Variants in VPS13B observed in about 807,000 individuals in gnomAD.
VPS13B encodes vacuolar protein sorting 13 homolog B, also known as intermembrane lipid transfer protein VPS13B.
VPS13B carries 285 observed loss-of-function variants against 426.4 expected under a neutral mutation model. The observed-to-expected ratio is 0.67, with a 90% CI of 0.61 to 0.74. The LOEUF is 0.74. VPS13B is among the 30% of genes least tolerant of loss of function. VPS13B has a pLI of 0.00. For missense variants in VPS13B, 4,537 were observed against 4,782.6 expected, an observed-to-expected ratio of 0.95 and a Z score of 1.51; for synonymous variants, 1,676 against 1,676.4, an observed-to-expected ratio of 1.00 and a Z score of 0.01.
rs142518839 is a variant in VPS13B, at chr8:99,312,515, G to C, written c.2824+37261G>C. 7.9e-4 allele frequency among the ~76,000 whole-genome samples: 120 copies of C among 152,336 alleles called. No individual in the cohort carries two copies. In the East Asian group the frequency reaches 0.022, roughly 27 times the overall value. ...ATTGGCCCCCACTCTCTTCTGGCTT[G>C]TAGAATTTCTGCCAAGAGATCAGCT... is the stretch of plus-strand genomic sequence containing the variant. On this transcript the variant is annotated intron_variant, in intron 19 of 61. Coordinates refer to ENST00000357162, the MANE Select transcript of VPS13B (RefSeq NM_152564.5).
intron 23 of VPS13B, among the ~76,000 whole-genome samples, chr8:99,447,856 T>C (rs1252912296): frequency 6.6e-6 from 1 of 152,014 alleles, no homozygotes; most frequent in African/African-American, 2.4e-5. Context: ...TTAAAGATGA[T>C]GTGACACTAT....
intron 40 of VPS13B, among the ~76,000 whole-genome samples, chr8:99,772,680 A>G (rs1811566837): frequency 6.6e-6 from 1 of 152,126 alleles, no homozygotes; most frequent in Admixed American, 6.5e-5. Context: ...TTTTCAGAAA[A>G]CCTTTTCCCC....
chr8:99,828,393 CGTTTTTTTTTTTTT>C (rs1814828468), intron 51 of VPS13B, among the ~76,000 whole-genome samples: 1 of 50,084 alleles, frequency 2.0e-5, no homozygotes, highest in Non-Finnish European at 3.8e-5. Context: ...TTACAACCAC[CGTTTTTTTTTTTTT>C]TTTTTTTTTT....
intron 39 of VPS13B, among the ~76,000 whole-genome samples, chr8:99,765,043 C>T (rs1458782550): frequency 6.6e-6 from 1 of 151,976 alleles, no homozygotes; most frequent in Non-Finnish European, 1.5e-5. Context: ...GTCAGGAGTT[C>T]GAGACCAGCC....
chr8:99,540,162 CT>C (rs1260350522), intron 30 of VPS13B, among the ~76,000 whole-genome samples: 1 of 140,932 alleles, frequency 7.1e-6, no homozygotes, highest in African/African-American at 2.7e-5. Context: ...TCACTGCAAA[CT>C]CCGCCTCCTG....
chr8:99,837,717 G>A (rs1276848837), intron 54 of VPS13B, among the ~76,000 whole-genome samples: 2 of 152,074 alleles, frequency 1.3e-5, no homozygotes, highest in Non-Finnish European at 2.9e-5. Context: ...AGGAAGATTT[G>A]TTTCAGACCC....
At position 99,699,527 on chromosome 8, in the gene VPS13B, G is replaced by A; in HGVS notation, c.6049G>A (p.Asp2017Asn). Reference protein sequence around the residue: ...QIKDFLNGPADVNLDISKPLK... With the variant: ...QIKDFLNGPANVNLDISKPLK... ...TTTTCTCTTTTTTACTTCTATAGCG[G>A]ATGTCAATTTGGATATATCAAAGCC... The change falls in exon 36 of 62, where the codon GAT (aspartate) becomes AAT (asparagine). Residue 2017 changes from aspartate to asparagine, a missense_variant and splice_region_variant. Asp to Asn is a conservative substitution (Grantham distance 23). This residue lies in a region of VPS13B where 4,311 missense variants were observed against 4,474.3 expected (regional missense o/e 0.96). Transcript: ENST00000357162. 6.2e-7 allele frequency: 1 copy of A among 1,613,384 alleles called. No homozygotes were observed. The highest frequency in any genetic ancestry group is 8.5e-7 in the Non-Finnish European group (1 of 1,179,966).
chr8:99,248,289 T>A (rs1817325269), intron 17 of VPS13B, among the ~76,000 whole-genome samples: 1 of 152,170 alleles, frequency 6.6e-6, no homozygotes, highest in South Asian at 2.1e-4. Flanking sequence ...TTGTTTTTCT[T>A]TGTTAATGAT....
intron 14 of VPS13B, among the ~76,000 whole-genome samples, chr8:99,151,488 T>G (rs76953904): frequency 0.049 from 7,501 of 152,200 alleles, 276 homozygotes; most frequent in Middle Eastern, 0.071. Flanking sequence ...ATTGGTCCAT[T>G]TCATCTAGGT....
At chr8:99,434,120 A>T (rs1435020022) in intron 22 of VPS13B, among the ~76,000 whole-genome samples, 1 of 152,148 alleles carries the variant, frequency 6.6e-6, no homozygotes, top group Non-Finnish European at 1.5e-5. Flanking sequence ...AGTTAAATTT[A>T]ACATTAAAAA....
intron 33 of VPS13B, among the ~76,000 whole-genome samples, chr8:99,640,049 G>GAAGAGAAAAGAAAAGAAA (rs1299280170): frequency 8.0e-5 from 8 of 99,720 alleles, no homozygotes; most frequent in South Asian, 3.6e-4. Context: ...AGAAGAAGAA[G>GAAGAGAAAAGAAAAGAAA]AGAAAAGAAA....
intron 43 of VPS13B, among the ~76,000 whole-genome samples, chr8:99,803,744 T>G (rs543694721): frequency 9.2e-5 from 14 of 152,218 alleles, no homozygotes; most frequent in Non-Finnish European, 1.6e-4. Context: ...CATATTTCAT[T>G]TTTATGCTAA....
At chr8:99,548,314 GTTCTT>G (rs753477111) in intron 30 of VPS13B, among the ~76,000 whole-genome samples, 9 of 151,850 alleles carry the variant, frequency 5.9e-5, no homozygotes, top group Non-Finnish European at 1.2e-4. Context: ...AAGTTATAAA[GTTCTT>G]TTCTTAGGGA....
intron 36 of VPS13B, among the ~76,000 whole-genome samples, chr8:99,706,044 C>T (rs966541440): frequency 1.3e-5 from 2 of 151,968 alleles, no homozygotes; most frequent in African/African-American, 2.4e-5. Flanking sequence ...GACCTGAACT[C>T]GATTTGAACC....
chr8:99,271,135 A>G (rs1430909047), intron 17 of VPS13B, among the ~76,000 whole-genome samples: 1 of 151,986 alleles, frequency 6.6e-6, no homozygotes, highest in African/African-American at 2.4e-5. Context: ...GTTAAGTGCT[A>G]TGATTACTAT....
In VPS13B at chr8:99,877,235, C is replaced by T. The variant is rs965977906; in HGVS notation, c.*1569C>T. The T allele has an allele frequency of 3.9e-5, 6 of 152,612 alleles. No homozygotes were observed. Among genetic ancestry groups the T allele is most frequent in the Admixed American group, 1.3e-4 (2 of 15,296 alleles). The allele number at this position is 152,612 out of a possible 1,614,324, so 9.5% of individuals were successfully genotyped here. A position where few individuals can be genotyped will look rare whatever the true frequency, so the allele number is the denominator to read the frequency against. On this transcript the variant is annotated 3_prime_UTR_variant, in exon 62 of 62. Coordinates refer to ENST00000357162, the MANE Select transcript of VPS13B (RefSeq NM_152564.5). ...ATTGTTACTGGAAAGCAAGACTTAACGAACAATTCTGACTATGAAAAATGT... is the reference window on the plus strand; with the variant it reads ...ATTGTTACTGGAAAGCAAGACTTAATGAACAATTCTGACTATGAAAAATGT...
Position 99,511,251 on chromosome 8 carries a change from G to A in VPS13B, c.4372G>A (p.Asp1458Asn), listed in dbSNP as rs762260915. 1 of 1,613,924 alleles carries A rather than the reference G, an allele frequency of 6.2e-7. No homozygotes were observed. Among genetic ancestry groups the A allele is most frequent in the South Asian group, 1.1e-5 (1 of 91,088 alleles). ...SFHKLSEGLMDGSPHFLHEIL... is the reference protein window; with the variant it reads ...SFHKLSEGLMNGSPHFLHEIL... ...TCATAAGTTATCTGAAGGCCTAATG[G>A]ATGGTTCTCCTCATTTTCTTCATGA... The change falls in exon 29 of 62, where the codon GAT becomes AAT. Residue 1458 changes from aspartate to asparagine, a missense_variant. By Grantham distance (23) the Asp-to-Asn change is conservative. Transcript: ENST00000357162.
chr8:99,836,861 T>G (rs1815420730), intron 54 of VPS13B, among the ~76,000 whole-genome samples: 1 of 152,186 alleles, frequency 6.6e-6, no homozygotes, highest in Non-Finnish European at 1.5e-5. Context: ...TACAAGTTAG[T>G]GACTATCATC....
At chr8:99,264,717 G>A (rs1818217692) in intron 17 of VPS13B, among the ~76,000 whole-genome samples, 1 of 151,932 alleles carries the variant, frequency 6.6e-6, no homozygotes, top group Non-Finnish European at 1.5e-5. Context: ...GAGTTTATGT[G>A]TGTGTTTTTT....
Sources: allele counts gnomAD v4.1 joint callset (sites outside exome capture counted in the v4.1 genomes callset), GRCh38; gene constraint gnomAD v4.1.1; regional missense constraint gnomAD v4.1.1; transcripts MANE v1.5; gene names NCBI Gene and HGNC (gene_info 2026-07-23, HGNC 2026-07-21).